CPED1: variants seen among roughly 807,000 people sequenced by gnomAD.
CPED1 encodes the protein cadherin-like and PC-esterase domain-containing protein 1.
CPED1 carries 114 observed loss-of-function variants against 128.2 expected under a neutral mutation model. The observed-to-expected ratio is 0.89, with a 90% CI of 0.76 to 1.04. The LOEUF (loss-of-function observed/expected upper bound fraction) is 1.04. CPED1 is among the 50% of genes least tolerant of loss of function. The pLI, the probability that CPED1 is intolerant of heterozygous loss-of-function variation, is 0.00. For missense variants in CPED1, 1,211 were observed against 1,207.1 expected, an observed-to-expected ratio of 1.00 and a Z score of -0.05; for synonymous variants, 462 against 426.7, an observed-to-expected ratio of 1.08 and a Z score of -1.02.
At chr7:121,060,061 C>T (rs530445815) in intron 4 of CPED1, among the ~76,000 whole-genome samples, 61 of 146,604 alleles carry the variant, frequency 4.2e-4, no homozygotes, top group African/African-American at 1.6e-3. Flanking sequence ...GCCCTGCACT[C>T]GGAGCAGCCG....
At chr7:121,186,357 ATGT>A (rs1797001975) in intron 16 of CPED1, among the ~76,000 whole-genome samples, 1 of 152,156 alleles carries the variant, frequency 6.6e-6, no homozygotes, top group African/African-American at 2.4e-5. Context: ...TAATATTTGA[ATGT>A]TGTGTGTGGG....
intron 3 of CPED1, among the ~76,000 whole-genome samples, chr7:121,022,576 A>T: frequency 6.6e-6 from 1 of 151,738 alleles, no homozygotes; most frequent in Middle Eastern, 3.2e-3. Context: ...TTCAGCAGAA[A>T]CTCAAGCAAG....
Position 121,266,817 on chromosome 7 carries a change from C to T in CPED1, c.2633+9C>T. 2 of 1,585,120 alleles carry T rather than the reference C, an allele frequency of 1.3e-6. No homozygotes were observed. Among genetic ancestry groups the T allele is most frequent in the Non-Finnish European group, 1.7e-6 (2 of 1,154,090 alleles). ...CACAAAGTTTTGAAGAGGTAAATGTCTGCAACAATAATTGTCATTAGTATT... is the reference window on the plus strand; with the variant it reads ...CACAAAGTTTTGAAGAGGTAAATGTTTGCAACAATAATTGTCATTAGTATT... On this transcript the variant is annotated intron_variant, in intron 20 of 22. Transcript: ENST00000310396.
At chr7:121,179,067 T>C (rs4730998) in intron 16 of CPED1, among the ~76,000 whole-genome samples, 64,242 of 151,864 alleles carry the variant, frequency 0.42, 14,196 homozygotes, top group East Asian at 0.79. Flanking sequence ...TACCGTGTTT[T>C]GGAAACCAAA....
chr7:121,190,347 G>A lies in CPED1; in HGVS notation c.2056-46367G>A, dbSNP rs187794426. On this transcript the variant is annotated intron_variant, in intron 16 of 22. Transcript: ENST00000310396. ...GGGGAGGTTGCAGTGAGCCGAGATCGCGCCACTGTACTCCAGCCTAGGTGA... is the reference window on the plus strand; with the variant it reads ...GGGGAGGTTGCAGTGAGCCGAGATCACGCCACTGTACTCCAGCCTAGGTGA... 3.9e-3 allele frequency among the ~76,000 whole-genome samples: 566 copies of A among 144,770 alleles called. 2 individuals carry two copies. The highest frequency in any genetic ancestry group is 6.4e-3 in the Non-Finnish European group (433 of 67,288). The allele number at this position is 144,770 out of a possible 152,430, so 95.0% of individuals were successfully genotyped here. A position where few individuals can be genotyped will look rare whatever the true frequency, so the allele number is the denominator to read the frequency against.
chr7:121,214,003 T>C (rs902078685), intron 16 of CPED1, among the ~76,000 whole-genome samples: 5 of 152,074 alleles, frequency 3.3e-5, no homozygotes, highest in African/African-American at 1.2e-4. Context: ...CTCTAGTGTG[T>C]GATGATTCCA....
At chr7:121,188,328 G>A (rs911388217) in intron 16 of CPED1, among the ~76,000 whole-genome samples, 2 of 152,042 alleles carry the variant, frequency 1.3e-5, no homozygotes, top group South Asian at 2.1e-4. Context: ...GAGTACATGA[G>A]ATGTTTTGAT....
intron 16 of CPED1, among the ~76,000 whole-genome samples, chr7:121,229,905 G>A (rs1798099175): frequency 6.6e-6 from 1 of 151,966 alleles, no homozygotes; most frequent in Admixed American, 6.6e-5. Flanking sequence ...AAGTAGCACT[G>A]GACAAAGTAG....
intron 2 of CPED1, among the ~76,000 whole-genome samples, chr7:121,006,427 G>A (rs1792017535): frequency 6.6e-6 from 1 of 152,094 alleles, no homozygotes; most frequent in South Asian, 2.1e-4. Context: ...AGGGCTTGGA[G>A]ATAGAAAGAA....
chr7:121,127,018 T>G (rs1302926808), intron 9 of CPED1, 72 bp from the exon 10 acceptor site: 2 of 1,141,134 alleles, frequency 1.8e-6, no homozygotes, highest in Admixed American at 2.5e-5. Flanking sequence ...ATAAATCATG[T>G]CTTAGAAGTA....
At chr7:121,169,843 A>G (rs1796609872) in intron 16 of CPED1, among the ~76,000 whole-genome samples, 1 of 152,172 alleles carries the variant, frequency 6.6e-6, no homozygotes, top group Admixed American at 6.5e-5. Flanking sequence ...GGTACATTCA[A>G]ATATTTTTTA....
intron 4 of CPED1, among the ~76,000 whole-genome samples, chr7:121,058,454 A>T (rs6970871): frequency 1.3e-5 from 2 of 151,902 alleles, no homozygotes; most frequent in Non-Finnish European, 2.9e-5. Flanking sequence ...ATAAATGACA[A>T]ATAATAATAG....
rs1362600744 is a variant in CPED1, at chr7:121,224,865, ATC to A, written c.2056-11845_2056-11844del. On this transcript the variant is annotated intron_variant, in intron 16 of 22. Coordinates refer to ENST00000310396, the MANE Select transcript of CPED1 (RefSeq NM_024913.5). ...ATCCCTTTATTTTGATCCTATGTGT[ATC>A]TCTGCATGTGAGATGGGTCTCCTGA... Among the ~76,000 whole-genome samples, 9 of 123,128 alleles carry A rather than the reference ATC, an allele frequency of 7.3e-5. 1 individual carries two copies. Among genetic ancestry groups the A allele is most frequent in the Admixed American group, 4.3e-4 (4 of 9,216 alleles). The allele number at this position is 123,128 out of a possible 152,430, so 80.8% of individuals were successfully genotyped here. A position where few individuals can be genotyped will look rare whatever the true frequency, so the allele number is the denominator to read the frequency against.
intron 4 of CPED1, among the ~76,000 whole-genome samples, chr7:121,047,710 T>TCCTCCTCCTCCTCCTCCTCCTCCTCCTCC (rs1793247257): frequency 1.7e-5 from 1 of 57,196 alleles, no homozygotes; most frequent in African/African-American, 7.3e-5. Context: ...CTTCTTCTTC[T>TCCTCCTCCTCCTCCTCCTCCTCCTCCTCC]TCTTCTTTTT....
intron 18 of CPED1, among the ~76,000 whole-genome samples, chr7:121,252,000 T>C (rs970275744): frequency 1.3e-5 from 2 of 151,486 alleles, no homozygotes; most frequent in Admixed American, 6.6e-5. Flanking sequence ...GAGCCCGCAT[T>C]GCCAAGTCAA....
At chr7:121,281,498 A>G (rs1792461332) in intron 22 of CPED1, among the ~76,000 whole-genome samples, 1 of 152,148 alleles carries the variant, frequency 6.6e-6, no homozygotes, top group African/African-American at 2.4e-5. Flanking sequence ...CACGTTTTTA[A>G]TGGTGTAGAG....
intron 16 of CPED1, among the ~76,000 whole-genome samples, chr7:121,223,943 T>C (rs529590565): frequency 6.6e-6 from 1 of 152,176 alleles, no homozygotes; most frequent in African/African-American, 2.4e-5. Context: ...TTTGAAGGAA[T>C]TTTTGTGTCT....
intron 7 of CPED1, 55 bp from the exon 8 acceptor site, chr7:121,124,276 G>T (rs1001951994): frequency 6.6e-7 from 1 of 1,507,666 alleles, no homozygotes; most frequent in East Asian, 2.4e-5. Context: ...CCTTGAAAAT[G>T]ATAGACAAAC....
intron 16 of CPED1, among the ~76,000 whole-genome samples, chr7:121,203,087 A>C (rs990086475): frequency 7.2e-5 from 11 of 152,126 alleles, no homozygotes; most frequent in African/African-American, 1.4e-4. Flanking sequence ...CCACCAGAGG[A>C]CATGATACAT....
Sources: allele counts gnomAD v4.1 joint callset (sites outside exome capture counted in the v4.1 genomes callset), GRCh38; gene constraint gnomAD v4.1.1; transcripts MANE v1.5; gene names NCBI Gene and HGNC (gene_info 2026-07-23, HGNC 2026-07-21).